The following UQCC2 variants were observed in gnomAD, a reference collection of about 807,000 sequenced individuals.
UQCC2 encodes the protein ubiquinol-cytochrome c reductase complex assembly factor 2, also known as breast cancer-associated protein SGA-81M.
A neutral mutation model predicts 19.9 loss-of-function variants in UQCC2; 21 were observed. The ratio of observed to expected loss-of-function variants is 1.05; its 90% CI spans 0.75 to 1.52. The LOEUF (loss-of-function observed/expected upper bound fraction) is 1.52. Among genes scored for constraint, UQCC2 ranks in the 40% most tolerant of loss-of-function variants. The pLI, the probability that UQCC2 is intolerant of heterozygous loss-of-function variation, is 0.00. For missense variants in UQCC2, 135 were observed against 157.5 expected (o/e 0.86, Z 0.76); for synonymous variants, 57 against 60.9 (o/e 0.94, Z 0.30).
In UQCC2 at chr6:33,700,491, C is replaced by G. The variant is rs1322259182; in HGVS notation, c.236G>C (p.Ser79Thr). The change falls in exon 3 of 4, where the codon AGC becomes ACC. Residue 79 changes from serine to threonine, a missense_variant. By Grantham distance (58) the Ser-to-Thr change is moderately conservative. Transcript: ENST00000607484. Reference sequence around the variant, plus strand: ...CTCTTCCAACGACAGGCCACTGAAGCTGGTGTCTCTGGGGCGAGGGTACTG... The same window carrying G: ...CTCTTCCAACGACAGGCCACTGAAGGTGGTGTCTCTGGGGCGAGGGTACTG... ...KHKYPRPRDT[S>T]FSGLSLEEYK... The G allele has an allele frequency of 3.1e-6, 5 of 1,614,186 alleles. No homozygotes were observed. Among genetic ancestry groups the G allele is most frequent in the Non-Finnish European group, 2.5e-6 (3 of 1,180,026 alleles).
intron 1 of UQCC2, among the ~76,000 whole-genome samples, chr6:33,703,395 C>A (rs1412777279): frequency 1.3e-5 from 2 of 152,130 alleles, no homozygotes; most frequent in East Asian, 3.9e-4. Flanking sequence ...GAACTCCTGA[C>A]CTTGTGATTT....
Position 33,710,892 on chromosome 6 carries a change from G to A in UQCC2, c.138+657C>T, listed in dbSNP as rs142322333. Among the ~76,000 whole-genome samples the A allele has an allele frequency of 3.3e-5, 5 of 152,336 alleles. No homozygotes were observed. In the East Asian group the frequency reaches 9.7e-4, roughly 29 times the overall value. Reference sequence around the variant, plus strand: ...AACATAGGCCTACTACTCACACACAGCTGCGTGAGCTGAGGACCCAAACCT... The same window carrying A: ...AACATAGGCCTACTACTCACACACAACTGCGTGAGCTGAGGACCCAAACCT... On this transcript the variant is annotated intron_variant, in intron 1 of 3. Coordinates refer to ENST00000607484, the MANE Select transcript of UQCC2 (RefSeq NM_032340.4).
chr6:33,710,696 T>G (rs1765756243), intron 1 of UQCC2, among the ~76,000 whole-genome samples: 1 of 152,262 alleles, frequency 6.6e-6, no homozygotes, highest in South Asian at 2.1e-4. Context: ...TACACTTACC[T>G]GCTTATTGTG....
At position 33,697,304 on chromosome 6, in the gene UQCC2, G is replaced by C; in HGVS notation, c.*349C>G. On this transcript the variant is annotated 3_prime_UTR_variant, in exon 4 of 4. Transcript: ENST00000607484. ...GAGCTCCTACAACAAAAGGGAGCCT[G>C]AGTATCTTGCCAGGAGACACCAGAC... 4.7e-6 allele frequency: 1 copy of C among 210,868 alleles called. No individual in the cohort carries two copies. The highest frequency in any genetic ancestry group is 9.4e-6 in the Non-Finnish European group (1 of 106,712). The allele number at this position is 210,868 out of a possible 1,614,324, so 13.1% of individuals were successfully genotyped here.
intron 1 of UQCC2, among the ~76,000 whole-genome samples, chr6:33,703,328 TA>T (rs11317348): frequency 0.41 from 62,462 of 152,032 alleles, 15,300 homozygotes; most frequent in East Asian, 0.85. Flanking sequence ...TACGCCCAGC[TA>T]ATTTTGTGTA....
chr6:33,704,606 C>T (rs1765678640), intron 1 of UQCC2, among the ~76,000 whole-genome samples: 3 of 152,140 alleles, frequency 2.0e-5, no homozygotes, highest in Admixed American at 2.0e-4. Flanking sequence ...TCTGGACCTT[C>T]CCGTCCTGCC....
rs763431285 is a variant in UQCC2, at chr6:33,711,673, C to T, written c.14G>A (p.Arg5Gln). Residue 5 changes from arginine (R) to glutamine (Q), a missense_variant, in exon 1 of 4, where the codon CGG becomes CAG. By Grantham distance (43) the Arg-to-Gln change is conservative (BLOSUM62 1). Transcript: ENST00000607484. MAAS[R>Q]YRRFLKLCEE... ...ACAGAGCTTAAGAAAACGCCGGTAC[C>T]GGCTGGCCGCCATCTTGGGCCCCGC... The T allele has an allele frequency of 3.1e-6, 5 of 1,609,926 alleles. No individual in the cohort carries two copies. Among genetic ancestry groups the T allele is most frequent in the South Asian group, 1.1e-5 (1 of 90,764 alleles).
chr6:33,700,388 C>T, intron 3 of UQCC2, 56 bp downstream of exon 3: 1 of 1,592,552 alleles, frequency 6.3e-7, no homozygotes, highest in East Asian at 2.2e-5. Flanking sequence ...CCCTTGGCCA[C>T]TCAAACTCAG....
At chr6:33,699,684 T>C (rs1453873188) in intron 3 of UQCC2, among the ~76,000 whole-genome samples, 1 of 151,644 alleles carries the variant, frequency 6.6e-6, no homozygotes, top group Non-Finnish European at 1.5e-5. Context: ...CAGAAGAGAG[T>C]TTTCTAGAAG....
At chr6:33,699,947 T>C (rs1765619706) in intron 3 of UQCC2, among the ~76,000 whole-genome samples, 1 of 152,216 alleles carries the variant, frequency 6.6e-6, no homozygotes, top group Non-Finnish European at 1.5e-5. Context: ...GGCAGGATGT[T>C]TCCTTTCTTG....
chr6:33,706,114 G>T (rs1004998347), intron 1 of UQCC2, among the ~76,000 whole-genome samples: 11 of 152,168 alleles, frequency 7.2e-5, no homozygotes, highest in Non-Finnish European at 1.3e-4. Context: ...TGAATTTTGG[G>T]TGGTGACAGC....
chr6:33,705,301 G>A (rs185121796), intron 1 of UQCC2, among the ~76,000 whole-genome samples: 3 of 152,236 alleles, frequency 2.0e-5, no homozygotes, highest in Admixed American at 2.0e-4. Context: ...AAAGTGCTGG[G>A]ATTACAGGCT....
chr6:33,710,003 C>A lies in UQCC2; in HGVS notation c.138+1546G>T, dbSNP rs1442239817. Among the ~76,000 whole-genome samples, 2 of 152,222 alleles carry A rather than the reference C, an allele frequency of 1.3e-5. 1 individual carries two copies. The highest frequency in any genetic ancestry group is 4.8e-5 in the African/African-American group (2 of 41,452). ...CTCGAGATATTCTTCCTACACTTCA[C>A]CTATTCCTACCTCAGTAAATGGCAC... On this transcript the variant is annotated intron_variant, in intron 1 of 3. Coordinates refer to ENST00000607484, the MANE Select transcript of UQCC2 (RefSeq NM_032340.4).
At chr6:33,703,182 A>G (rs1265748851) in intron 1 of UQCC2, among the ~76,000 whole-genome samples, 2 of 152,226 alleles carry the variant, frequency 1.3e-5, no homozygotes, top group African/African-American at 2.4e-5. Flanking sequence ...ACATTTCTTC[A>G]GCAGGGCACG....
At chr6:33,703,429 T>C (rs6929190) in intron 1 of UQCC2, among the ~76,000 whole-genome samples, 123,282 of 152,074 alleles carry the variant, frequency 0.81, 51,259 homozygotes, top group East Asian at 0.99. Flanking sequence ...TCCCAAAGTG[T>C]GCTCACTTAT....
At position 33,711,655 on chromosome 6, in the gene UQCC2, T is replaced by C; in HGVS notation, c.32A>G (p.Lys11Arg). The change falls in exon 1 of 4, where the codon AAG becomes AGG. Residue 11 changes from lysine (K) to arginine (R), a missense_variant. Lys to Arg is a conservative substitution (Grantham distance 26). Coordinates refer to ENST00000607484, the MANE Select transcript of UQCC2 (RefSeq NM_032340.4). ...GTCCACTGGCCATTCCTCACAGAGC[T>C]TAAGAAAACGCCGGTACCGGCTGGC... is the stretch of plus-strand genomic sequence containing the variant. MAASRYRRFL[K>R]LCEEWPVDET... The C allele has an allele frequency of 6.2e-7, 1 of 1,613,158 alleles. No homozygotes were observed. The highest frequency in any genetic ancestry group is 8.5e-7 in the Non-Finnish European group (1 of 1,179,732).
intron 1 of UQCC2, among the ~76,000 whole-genome samples, chr6:33,707,607 G>A (rs546004297): frequency 3.9e-5 from 6 of 152,338 alleles, no homozygotes; most frequent in East Asian, 1.9e-4. Context: ...CCTGGTGGGC[G>A]AAGAGCAGCA....
At chr6:33,704,384 C>T (rs1765675373) in intron 1 of UQCC2, among the ~76,000 whole-genome samples, 1 of 152,178 alleles carries the variant, frequency 6.6e-6, no homozygotes, top group African/African-American at 2.4e-5. Context: ...GGAGCCCGTG[C>T]CCAGGGAATG....
At chr6:33,698,953 C>T (rs1240871592) in intron 3 of UQCC2, among the ~76,000 whole-genome samples, 2 of 152,050 alleles carry the variant, frequency 1.3e-5, no homozygotes, top group African/African-American at 4.8e-5. Context: ...AACAAAACTA[C>T]TGGAGAAAAA....
Sources: gnomAD v4.1 joint callset for allele counts (sites outside exome capture counted in the v4.1 genomes callset) on GRCh38, gnomAD v4.1.1 for gene constraint, MANE v1.5 for transcripts, NCBI Gene and HGNC (gene_info 2026-07-23, HGNC 2026-07-21) for gene names.